TTC28: variants seen among roughly 807,000 people sequenced by gnomAD.
TTC28 encodes tetratricopeptide repeat domain 28, also known as tetratricopeptide repeat protein 28.
TTC28 carries 61 observed loss-of-function variants against 198.0 expected under a neutral mutation model. The observed-to-expected ratio is 0.31, with a 90% CI of 0.25 to 0.38. The LOEUF (loss-of-function observed/expected upper bound fraction) is 0.38. Ranked by LOEUF, TTC28 falls within the 10% of genes least tolerant of loss-of-function variation. The pLI, the probability that TTC28 is intolerant of heterozygous loss-of-function variation, is 1.00. For missense variants in TTC28, 2,678 were observed against 3,164.0 expected (o/e 0.85, Z 3.69); for synonymous variants, 1,171 against 1,297.8 (o/e 0.90, Z 2.10).
chr22:28,381,936 T>C (rs1280208828), intron 2 of TTC28, among the ~76,000 whole-genome samples: 1 of 152,174 alleles, frequency 6.6e-6, no homozygotes, highest in African/African-American at 2.4e-5. Context: ...ATATTTGAGG[T>C]GCACTGGGCA....
At chr22:28,678,359 T>C (rs1397879165) in intron 1 of TTC28, among the ~76,000 whole-genome samples, 2 of 152,156 alleles carry the variant, frequency 1.3e-5, no homozygotes, top group African/African-American at 4.8e-5. Context: ...AGACTGCAAG[T>C]GCACTCTACC....
intron 2 of TTC28, among the ~76,000 whole-genome samples, chr22:28,366,443 T>C (rs2046248145): frequency 6.6e-6 from 1 of 152,170 alleles, no homozygotes; most frequent in African/African-American, 2.4e-5. Context: ...TCCTTGTCCC[T>C]ACTTTCTTAG....
At chr22:27,994,130 A>ACT (rs1225046227) in intron 17 of TTC28, among the ~76,000 whole-genome samples, 1 of 152,228 alleles carries the variant, frequency 6.6e-6, no homozygotes, top group African/African-American at 2.4e-5. Flanking sequence ...TTTTAACAGT[A>ACT]GTACAGGGCC....
chr22:28,540,349 CAT>C (rs1410690845), intron 2 of TTC28, among the ~76,000 whole-genome samples: 1 of 152,100 alleles, frequency 6.6e-6, no homozygotes, highest in African/African-American at 2.4e-5. Flanking sequence ...GCAGATGTCA[CAT>C]ATTTTTAAAT....
At chr22:28,023,845 C>T (rs1354888526) in intron 13 of TTC28, among the ~76,000 whole-genome samples, 2 of 152,136 alleles carry the variant, frequency 1.3e-5, no homozygotes, top group Admixed American at 1.3e-4. Context: ...GCTGTGAGAC[C>T]CTGGGCAACT....
At chr22:28,261,441 G>A (rs1327314135) in intron 5 of TTC28, among the ~76,000 whole-genome samples, 7 of 152,114 alleles carry the variant, frequency 4.6e-5, no homozygotes, top group Non-Finnish European at 8.8e-5. Flanking sequence ...AAGAGAAAAG[G>A]AGCTCAAGCT....
Position 27,992,569 on chromosome 22 carries a change from C to G in TTC28, c.5553+18G>C. 6.4e-7 allele frequency: 1 copy of G among 1,550,846 alleles called. No homozygotes were observed. The highest frequency in any genetic ancestry group is 8.7e-7 in the Non-Finnish European group (1 of 1,146,830). ...CATGGGCCTCAGGCCCTGGCTCAGC[C>G]CTCCAGGCTCGACTTACCCGGCTGA... is the stretch of plus-strand genomic sequence containing the variant. On this transcript the variant is annotated intron_variant, in intron 19 of 22. Transcript: ENST00000397906.
intron 1 of TTC28, among the ~76,000 whole-genome samples, chr22:28,675,941 G>A (rs2051979448): frequency 6.6e-6 from 1 of 151,922 alleles, no homozygotes. Context: ...TTAAATATTT[G>A]CCAGGTGTGG....
chr22:28,646,971 G>C (rs2051479251), intron 1 of TTC28, among the ~76,000 whole-genome samples: 1 of 152,198 alleles, frequency 6.6e-6, no homozygotes, highest in Admixed American at 6.5e-5. Flanking sequence ...TACATTGTTG[G>C]ACTTCAAATT....
intron 4 of TTC28, 35 bp downstream of exon 4, chr22:28,297,545 C>G: frequency 6.5e-7 from 1 of 1,532,474 alleles, no homozygotes; most frequent in Non-Finnish European, 8.8e-7. Flanking sequence ...TTCTTTGTTC[C>G]CTTTCTGCAC....
At chr22:28,530,553 A>C (rs945914575) in intron 2 of TTC28, among the ~76,000 whole-genome samples, 1 of 152,216 alleles carries the variant, frequency 6.6e-6, no homozygotes, top group Non-Finnish European at 1.5e-5. Flanking sequence ...CAGGAAATAC[A>C]GAGAACGCCA....
chr22:28,545,530 G>A (rs1239118577), intron 2 of TTC28, among the ~76,000 whole-genome samples: 1 of 152,140 alleles, frequency 6.6e-6, no homozygotes, highest in East Asian at 1.9e-4. Flanking sequence ...AGTGAGCTAT[G>A]ATTGTGCCAC....
At chr22:28,092,338 A>T (rs1172325754) in intron 12 of TTC28, among the ~76,000 whole-genome samples, 1 of 152,096 alleles carries the variant, frequency 6.6e-6, no homozygotes, top group African/African-American at 2.4e-5. Flanking sequence ...GTTCATCAGG[A>T]TCCTTAATCT....
At chr22:28,502,935 T>C (rs549208705) in intron 2 of TTC28, among the ~76,000 whole-genome samples, 63 of 152,286 alleles carry the variant, frequency 4.1e-4, no homozygotes, top group Admixed American at 9.8e-4. Context: ...GGACACTACC[T>C]GACAGATTTT....
chr22:28,352,173 A>G (rs768567464), intron 2 of TTC28, among the ~76,000 whole-genome samples: 7 of 152,140 alleles, frequency 4.6e-5, no homozygotes, highest in Non-Finnish European at 7.4e-5. Context: ...CTGAAAACCA[A>G]TGCCTTAGAT....
chr22:28,268,624 G>A (rs571528840), intron 5 of TTC28, among the ~76,000 whole-genome samples: 1 of 152,318 alleles, frequency 6.6e-6, no homozygotes, highest in South Asian at 2.1e-4. Flanking sequence ...AAGTGGTAAT[G>A]AGAATTCCAG....
At chr22:28,603,148 G>A (rs1016195759) in intron 2 of TTC28, among the ~76,000 whole-genome samples, 1 of 151,960 alleles carries the variant, frequency 6.6e-6, no homozygotes, top group Non-Finnish European at 1.5e-5. Flanking sequence ...CAAAGTGCTG[G>A]GATTACAGGC....
intron 2 of TTC28, among the ~76,000 whole-genome samples, chr22:28,342,271 T>C (rs2045843914): frequency 6.6e-6 from 1 of 152,218 alleles, no homozygotes; most frequent in South Asian, 2.1e-4. Flanking sequence ...TCAAATACTT[T>C]ATGCTGATAT....
intron 12 of TTC28, among the ~76,000 whole-genome samples, chr22:28,041,771 G>C (rs537068843): frequency 6.6e-6 from 1 of 151,990 alleles, no homozygotes; most frequent in Non-Finnish European, 1.5e-5. Context: ...CACAGCAAAA[G>C]AAACTATCAT....
Sources: allele counts gnomAD v4.1 joint callset (sites outside exome capture counted in the v4.1 genomes callset), GRCh38; gene constraint gnomAD v4.1.1; transcripts MANE v1.5; gene names NCBI Gene and HGNC (gene_info 2026-07-23, HGNC 2026-07-21).